The following ANKS1B variants were observed in gnomAD, a reference collection of about 807,000 sequenced individuals.
ANKS1B encodes the protein ankyrin repeat and sterile alpha motif domain containing 1B, also known as ankyrin repeat and sterile alpha motif domain-containing protein 1B.
ANKS1B carries 36 observed loss-of-function variants against 148.3 expected under a neutral mutation model. The ratio of observed to expected loss-of-function variants is 0.24; its 90% confidence interval spans 0.19 to 0.32. The LOEUF (loss-of-function observed/expected upper bound fraction) is 0.32. Among genes scored for constraint, ANKS1B ranks in the 10% least tolerant of loss-of-function variants. The pLI, the probability that ANKS1B is intolerant of heterozygous loss-of-function variation, is 1.00. For missense variants in ANKS1B, 1,157 were observed against 1,542.6 expected (o/e 0.75, Z 4.19); for synonymous variants, 542 against 560.8 (o/e 0.97, Z 0.47).
chr12:99,957,158 A>T (rs896965875), intron 1 of ANKS1B, among the ~76,000 whole-genome samples: 7 of 152,210 alleles, frequency 4.6e-5, no homozygotes, highest in Non-Finnish European at 8.8e-5. Flanking sequence ...AGGAGACGAT[A>T]TATCTATACA....
At chr12:99,387,835 G>A (rs914177609) in intron 12 of ANKS1B, among the ~76,000 whole-genome samples, 4 of 128,302 alleles carry the variant, frequency 3.1e-5, no homozygotes, top group East Asian at 3.9e-4. Flanking sequence ...TGAACTAAAA[G>A]AGTTGTCTTT....
At chr12:99,929,353 G>T (rs962053370) in intron 1 of ANKS1B, among the ~76,000 whole-genome samples, 1 of 151,972 alleles carries the variant, frequency 6.6e-6, no homozygotes, top group African/African-American at 2.4e-5. Flanking sequence ...GGTTTGTTTT[G>T]TTCTTGTAAA....
chr12:99,348,681 T>C (rs932300347), intron 12 of ANKS1B, among the ~76,000 whole-genome samples: 2 of 151,896 alleles, frequency 1.3e-5, no homozygotes, highest in Non-Finnish European at 2.9e-5. Flanking sequence ...AATTAAGACC[T>C]ATATTAAGCA....
chr12:98,998,265 G>T (rs2099930884), intron 17 of ANKS1B, among the ~76,000 whole-genome samples: 1 of 152,174 alleles, frequency 6.6e-6, no homozygotes, highest in African/African-American at 2.4e-5. Flanking sequence ...AAGGGATTAA[G>T]ACTTTGAGAT....
At chr12:99,369,978 T>C (rs2093036078) in intron 12 of ANKS1B, among the ~76,000 whole-genome samples, 2 of 152,150 alleles carry the variant, frequency 1.3e-5, no homozygotes, top group Admixed American at 1.3e-4. Context: ...ACTTGACTGT[T>C]TGAAAATTTT....
chr12:99,314,724 A>G (rs1357943021), intron 12 of ANKS1B, among the ~76,000 whole-genome samples: 1 of 152,106 alleles, frequency 6.6e-6, no homozygotes. Context: ...TATGCAGAAA[A>G]CTGAAATCGG....
At chr12:99,610,318 C>T (rs1304758716) in intron 9 of ANKS1B, among the ~76,000 whole-genome samples, 1 of 152,082 alleles carries the variant, frequency 6.6e-6, no homozygotes, top group African/African-American at 2.4e-5. Context: ...TAAGGCCTGT[C>T]CTCATTCTTC....
At chr12:98,812,967 T>C (rs2099109789) in intron 19 of ANKS1B, among the ~76,000 whole-genome samples, 1 of 152,230 alleles carries the variant, frequency 6.6e-6, no homozygotes, top group Admixed American at 6.5e-5. Flanking sequence ...TTGTAACTGC[T>C]GCATTCATAA....
chr12:99,011,645 A>G (rs558036726), intron 17 of ANKS1B, among the ~76,000 whole-genome samples: 1 of 152,340 alleles, frequency 6.6e-6, no homozygotes, highest in East Asian at 1.9e-4. Context: ...TATTTCTGCT[A>G]TGATGCAACA....
intron 17 of ANKS1B, among the ~76,000 whole-genome samples, chr12:98,894,425 GA>G (rs34571324): frequency 2.7e-5 from 4 of 150,506 alleles, no homozygotes; most frequent in Admixed American, 1.3e-4. Context: ...GAACAGGTTT[GA>G]AAAAAAAAGC....
chr12:99,911,054 CACA>C (rs2093990425), intron 1 of ANKS1B, among the ~76,000 whole-genome samples: 1 of 152,088 alleles, frequency 6.6e-6, no homozygotes, highest in Admixed American at 6.5e-5. Context: ...TTATAATCCT[CACA>C]ACAAGAACTA....
chr12:99,026,507 G>C (rs2099948852), intron 17 of ANKS1B, among the ~76,000 whole-genome samples: 1 of 152,008 alleles, frequency 6.6e-6, no homozygotes, highest in Non-Finnish European at 1.5e-5. Context: ...CCCTTCCCCA[G>C]AGTAGACAAA....
intron 1 of ANKS1B, among the ~76,000 whole-genome samples, chr12:99,899,269 G>T (rs1413647224): frequency 6.6e-6 from 1 of 152,148 alleles, no homozygotes; most frequent in African/African-American, 2.4e-5. Context: ...GATTCAAAAA[G>T]CAGATGGACT....
intron 15 of ANKS1B, among the ~76,000 whole-genome samples, chr12:99,103,547 T>C (rs1203529481): frequency 1.3e-5 from 2 of 152,366 alleles, no homozygotes; most frequent in African/African-American, 2.4e-5. Flanking sequence ...ACTTGATGTC[T>C]TTTATGTTAT....
At chr12:99,383,849 CAA>C (rs1160915276) in intron 12 of ANKS1B, among the ~76,000 whole-genome samples, 3 of 77,798 alleles carry the variant, frequency 3.9e-5, no homozygotes, top group African/African-American at 4.5e-5. Flanking sequence ...CCCATCTCTA[CAA>C]AAAAAAAAAA....
intron 25 of ANKS1B, among the ~76,000 whole-genome samples, chr12:98,764,559 G>A (rs2098456053): frequency 1.3e-5 from 2 of 152,222 alleles, no homozygotes; most frequent in South Asian, 4.1e-4. Flanking sequence ...TTGGACATGG[G>A]TCACTCACCA....
intron 9 of ANKS1B, among the ~76,000 whole-genome samples, chr12:99,559,643 G>C (rs140042741): frequency 1.3e-5 from 2 of 152,132 alleles, no homozygotes; most frequent in South Asian, 2.1e-4. Flanking sequence ...AATTCAATGA[G>C]GTAGGTTTTA....
chr12:98,909,347 C>T (rs1437557300), intron 17 of ANKS1B, among the ~76,000 whole-genome samples: 1 of 152,108 alleles, frequency 6.6e-6, no homozygotes, highest in African/African-American at 2.4e-5. Flanking sequence ...TTCAACGATG[C>T]TTTGATATAG....
chr12:99,244,279 A>C, intron 14 of ANKS1B, 63 bp downstream of exon 14: 1 of 1,134,090 alleles, frequency 8.8e-7, no homozygotes, highest in Non-Finnish European at 1.3e-6. Context: ...AAAGATTCCT[A>C]TCATTTTCTC....
Sources: gnomAD v4.1 joint callset for allele counts (sites outside exome capture counted in the v4.1 genomes callset) on GRCh38, gnomAD v4.1.1 for gene constraint, MANE v1.5 for transcripts, NCBI Gene and HGNC (gene_info 2026-07-23, HGNC 2026-07-21) for gene names.